AGBL4: variants seen among roughly 807,000 people sequenced by gnomAD.
AGBL4 encodes cytosolic carboxypeptidase 6.
In AGBL4, 58 loss-of-function variants were observed where a neutral mutation model predicts 66.4. The observed-to-expected ratio is 0.87, with a 90% CI of 0.71 to 1.09. The LOEUF is 1.09. Among genes scored for constraint, AGBL4 ranks in the 50% least tolerant of loss-of-function variants. AGBL4 has a pLI of 0.00. For synonymous variants in AGBL4, 234 were observed against 222.9 expected, an observed-to-expected ratio of 1.05 and a Z score of -0.44; for missense variants, 579 against 631.0, an observed-to-expected ratio of 0.92 and a Z score of 0.88.
chr1:48,909,387 A>T (rs1297483993), intron 5 of AGBL4, among the ~76,000 whole-genome samples: 1 of 152,194 alleles, frequency 6.6e-6, no homozygotes, highest in South Asian at 2.1e-4. Context: ...GTACCTCCAT[A>T]GCTAAGGCAG....
chr1:49,650,307 G>C (rs1160888676), intron 3 of AGBL4, among the ~76,000 whole-genome samples: 5 of 152,214 alleles, frequency 3.3e-5, no homozygotes, highest in African/African-American at 1.2e-4. Flanking sequence ...GGCAAAGGCT[G>C]ACCCCTGAGG....
intron 3 of AGBL4, among the ~76,000 whole-genome samples, chr1:49,449,032 A>C (rs1271687211): frequency 1.3e-5 from 2 of 152,158 alleles, no homozygotes. Flanking sequence ...AAACTGAATA[A>C]ATGTAAAATG....
chr1:48,714,267 G>C (rs1056872641), intron 6 of AGBL4, among the ~76,000 whole-genome samples: 8 of 152,078 alleles, frequency 5.3e-5, no homozygotes, highest in Non-Finnish European at 1.2e-4. Context: ...TTTGGCCAAG[G>C]ATTCCTATCA....
At chr1:48,962,178 A>G (rs1288657777) in intron 5 of AGBL4, among the ~76,000 whole-genome samples, 1 of 152,074 alleles carries the variant, frequency 6.6e-6, no homozygotes, top group Non-Finnish European at 1.5e-5. Flanking sequence ...GTTACGAAGT[A>G]CTTAGACTTG....
At chr1:49,515,460 A>G (rs535776431) in intron 3 of AGBL4, among the ~76,000 whole-genome samples, 103 of 152,100 alleles carry the variant, frequency 6.8e-4, no homozygotes, top group African/African-American at 2.4e-3. Context: ...CTCATTCAAC[A>G]ATTGTGGAAG....
At chr1:49,323,919 C>A (rs1645177879) in intron 3 of AGBL4, among the ~76,000 whole-genome samples, 1 of 152,096 alleles carries the variant, frequency 6.6e-6, no homozygotes, top group South Asian at 2.1e-4. Context: ...ATAATGAATT[C>A]TAATATTTTA....
At chr1:49,902,968 T>C (rs539874007) in intron 1 of AGBL4, among the ~76,000 whole-genome samples, 2 of 152,142 alleles carry the variant, frequency 1.3e-5, no homozygotes, top group African/African-American at 4.8e-5. Context: ...TGAAACAGAG[T>C]TACCATTCAA....
chr1:49,076,158 A>C (rs1004851450), intron 4 of AGBL4, among the ~76,000 whole-genome samples: 1 of 152,178 alleles, frequency 6.6e-6, no homozygotes, highest in African/African-American at 2.4e-5. Context: ...CCTCAAAGAA[A>C]CAAAATATTG....
intron 3 of AGBL4, among the ~76,000 whole-genome samples, chr1:49,593,108 A>T (rs902480506): frequency 6.6e-6 from 1 of 152,134 alleles, no homozygotes; most frequent in African/African-American, 2.4e-5. Flanking sequence ...GGCATTGTTT[A>T]TAATAATGGG....
chr1:49,701,498 T>C (rs1647093312), intron 2 of AGBL4, among the ~76,000 whole-genome samples: 1 of 152,054 alleles, frequency 6.6e-6, no homozygotes, highest in South Asian at 2.1e-4. Flanking sequence ...TCAAATTGTA[T>C]ACAACAAATA....
In AGBL4 at chr1:49,960,110, C is replaced by A. The variant is rs373315755; in HGVS notation, c.34+63653G>T. ...TGCTGAAATTATCTGTACATCAAAC[C>A]CCCATGACCTGCAGTTTACCTAAAT... On this transcript the variant is annotated intron_variant, in intron 1 of 13. Coordinates refer to ENST00000371839, the MANE Select transcript of AGBL4 (RefSeq NM_032785.4). 3.3e-4 allele frequency among the ~76,000 whole-genome samples: 50 copies of A among 152,000 alleles called. 1 individual carries two copies. The South Asian group carries it at 9.6e-3, about 29-fold the overall frequency.
At chr1:48,712,108 T>G (rs1440285115) in intron 6 of AGBL4, among the ~76,000 whole-genome samples, 2 of 152,162 alleles carry the variant, frequency 1.3e-5, no homozygotes, top group Non-Finnish European at 2.9e-5. Context: ...AAAGCTCCAA[T>G]CCAACTCAAG....
At chr1:49,219,960 G>A (rs994563129) in intron 4 of AGBL4, among the ~76,000 whole-genome samples, 7 of 151,924 alleles carry the variant, frequency 4.6e-5, no homozygotes, top group African/African-American at 1.7e-4. Flanking sequence ...AAACATTTTA[G>A]TTTTTGTTTT....
chr1:49,735,294 T>G (rs1349748515), intron 2 of AGBL4, among the ~76,000 whole-genome samples: 1 of 105,136 alleles, frequency 9.5e-6, no homozygotes, highest in South Asian at 3.0e-4. Context: ...TAGAGGTGTG[T>G]GGGTGTGTGT....
intron 5 of AGBL4, among the ~76,000 whole-genome samples, chr1:49,036,045 G>A (rs1664623134): frequency 6.6e-6 from 1 of 151,212 alleles, no homozygotes; most frequent in South Asian, 2.1e-4. Context: ...GCCATCAATT[G>A]TACTCCAAAC....
At chr1:49,105,656 T>C (rs1427728735) in intron 4 of AGBL4, among the ~76,000 whole-genome samples, 1 of 152,158 alleles carries the variant, frequency 6.6e-6, no homozygotes, top group African/African-American at 2.4e-5. Context: ...CTGTGTGACA[T>C]AGTAGCTGTG....
chr1:48,694,734 G>A (rs553407351), intron 6 of AGBL4, among the ~76,000 whole-genome samples: 1 of 152,176 alleles, frequency 6.6e-6, no homozygotes, highest in African/African-American at 2.4e-5. Context: ...CAGGCATTAG[G>A]GGTCCAGAGG....
At chr1:49,621,832 G>A (rs1645366142) in intron 3 of AGBL4, among the ~76,000 whole-genome samples, 1 of 152,180 alleles carries the variant, frequency 6.6e-6, no homozygotes, top group Non-Finnish European at 1.5e-5. Flanking sequence ...CAGTTTGACT[G>A]CACAGAATTC....
intron 1 of AGBL4, among the ~76,000 whole-genome samples, chr1:49,919,084 T>A (rs1651907003): frequency 6.6e-6 from 1 of 152,096 alleles, no homozygotes; most frequent in African/African-American, 2.4e-5. Context: ...GGGACATATC[T>A]CAAAATAATA....
Sources: allele counts gnomAD v4.1 joint callset (sites outside exome capture counted in the v4.1 genomes callset), GRCh38; gene constraint gnomAD v4.1.1; transcripts MANE v1.5; gene names NCBI Gene and HGNC (gene_info 2026-07-23, HGNC 2026-07-21).